The following CIP2A variants were observed in gnomAD, a reference collection of about 807,000 sequenced individuals.
CIP2A encodes cellular inhibitor of PP2A, also known as protein CIP2A.
A neutral mutation model predicts 110.9 loss-of-function variants in CIP2A; 103 were observed. That is an observed-to-expected ratio of 0.93 (90% CI 0.79 to 1.09). The LOEUF (loss-of-function observed/expected upper bound fraction) is 1.09, where lower values mean the gene tolerates loss of function less well. Ranked by LOEUF, CIP2A falls within the 50% of genes least tolerant of loss-of-function variation. The pLI is 0.00. For synonymous variants in CIP2A, 381 were observed against 361.6 expected (o/e 1.05, Z -0.61); for missense variants, 1,088 against 1,038.4 (o/e 1.05, Z -0.66).
intron 7 of CIP2A, 32 bp downstream of exon 7, chr3:108,579,249 A>G: frequency 6.5e-7 from 1 of 1,543,040 alleles, no homozygotes; most frequent in Non-Finnish European, 8.8e-7. Context: ...TAAAAATAAA[A>G]AAGTTCTAAA....
intron 2 of CIP2A, 82 bp downstream of exon 2, chr3:108,584,983 G>A (rs745535820): frequency 2.5e-4 from 324 of 1,293,078 alleles, no homozygotes; most frequent in Non-Finnish European, 3.1e-4. Flanking sequence ...CATTCTTTAA[G>A]AGATTCTATA....
Position 108,569,529 on chromosome 3 carries a change from G to C in CIP2A, c.973C>G (p.Pro325Ala). The change falls in exon 9 of 21, where the codon CCA (proline) becomes GCA (alanine). Residue 325 changes from proline (P) to alanine (A), a missense_variant. Physicochemically the swap from Pro to Ala is conservative, Grantham distance 27. Transcript: ENST00000295746. ...CTTCCCAGAGTGGCGCTGCCAGGTG[G>C]AGACTGTTCAAACATCATCTGAGTG... is the stretch of plus-strand genomic sequence containing the variant. The part of the protein sequence containing the change: ...MLTQMMFEQS[P>A]PGSATLGSHT... 38 of 1,612,772 alleles carry C rather than the reference G, an allele frequency of 2.4e-5. No homozygotes were observed. The highest frequency in any genetic ancestry group is 3.2e-5 in the Non-Finnish European group (38 of 1,179,306).
intron 1 of CIP2A, among the ~76,000 whole-genome samples, chr3:108,585,505 GT>G (rs1322361828): frequency 6.6e-6 from 1 of 152,030 alleles, no homozygotes; most frequent in African/African-American, 2.4e-5. Context: ...CTATCCTATA[GT>G]ACATTATATT....
intron 9 of CIP2A, among the ~76,000 whole-genome samples, chr3:108,568,552 T>C (rs536154366): frequency 9.2e-5 from 14 of 152,122 alleles, no homozygotes; most frequent in Non-Finnish European, 1.9e-4. Flanking sequence ...AAGACTTTTT[T>C]AAACAGACTT....
intron 7 of CIP2A, among the ~76,000 whole-genome samples, chr3:108,578,145 A>C (rs909202959): frequency 2.5e-4 from 38 of 152,358 alleles, no homozygotes; most frequent in African/African-American, 9.1e-4. Flanking sequence ...AATAGATAAT[A>C]GAACTGAGAG....
At chr3:108,581,643 CTAAT>C (rs1235398474) in intron 4 of CIP2A, 132 bp from the exon 5 acceptor site, 3 of 585,814 alleles carry the variant, frequency 5.1e-6, no homozygotes, top group Admixed American at 3.0e-5. Flanking sequence ...AAAAAAAAAA[CTAAT>C]TAACATAAGA....
intron 4 of CIP2A, 54 bp downstream of exon 4, chr3:108,582,054 A>G: frequency 1.2e-6 from 1 of 834,052 alleles, no homozygotes; most frequent in East Asian, 2.6e-5. Flanking sequence ...ACATGGTTGT[A>G]ATTTAAAAAT....
chr3:108,565,828 T>C (rs1938161448), intron 11 of CIP2A, among the ~76,000 whole-genome samples: 1 of 151,694 alleles, frequency 6.6e-6, no homozygotes, highest in African/African-American at 2.4e-5. Context: ...AATGAATGAA[T>C]TACACTAGGT....
chr3:108,581,786 T>C (rs1175236478), intron 4 of CIP2A, among the ~76,000 whole-genome samples: 1 of 152,212 alleles, frequency 6.6e-6, no homozygotes, highest in Non-Finnish European at 1.5e-5. Context: ...TCAGTATATT[T>C]TCCTACAAGA....
chr3:108,587,180 A>G (rs900356916), intron 1 of CIP2A, among the ~76,000 whole-genome samples: 55 of 152,294 alleles, frequency 3.6e-4, no homozygotes, highest in African/African-American at 1.3e-3. Context: ...TAACAATTCT[A>G]CTCCTAAGTA....
chr3:108,554,020 T>C (rs1365899222), intron 18 of CIP2A, among the ~76,000 whole-genome samples: 1 of 150,778 alleles, frequency 6.6e-6, no homozygotes, highest in Non-Finnish European at 1.5e-5. Context: ...CTCAGCCTTC[T>C]GGGTAGCGGA....
rs116329952 is a variant in CIP2A, at chr3:108,567,152, C to A, written c.1274-514G>T. On this transcript the variant is annotated intron_variant, in intron 10 of 20. Transcript: ENST00000295746. ...TTTAAACAATCACAAACAAAAAAGCCAACATGCAAACACACACCACCTAAT... is the reference window on the plus strand; with the variant it reads ...TTTAAACAATCACAAACAAAAAAGCAAACATGCAAACACACACCACCTAAT... 7.9e-3 allele frequency among the ~76,000 whole-genome samples: 1,193 copies of A among 151,776 alleles called. 24 individuals carry two copies. The highest frequency in any genetic ancestry group is 0.028 in the African/African-American group (1,148 of 41,472).
chr3:108,565,344 T>C lies in CIP2A; in HGVS notation c.1515+11A>G, dbSNP rs1938145636. ...TGAATAAACTTCAATGTTTGAAGAG[T>C]TTAAACTCACCTGAAGTATTTTGTA... On this transcript the variant is annotated intron_variant, in intron 12 of 20. Transcript: ENST00000295746. 1 of 1,417,520 alleles carries C rather than the reference T, an allele frequency of 7.1e-7. No individual in the cohort carries two copies. The highest frequency in any genetic ancestry group is 2.3e-5 in the East Asian group (1 of 43,492). The allele number at this position is 1,417,520 out of a possible 1,614,324, so 87.8% of individuals were successfully genotyped here.
intron 20 of CIP2A, among the ~76,000 whole-genome samples, chr3:108,551,695 G>C (rs1471542910): frequency 6.6e-6 from 1 of 152,028 alleles, no homozygotes; most frequent in Non-Finnish European, 1.5e-5. Flanking sequence ...AGTAGTAGTA[G>C]ATCAGTCTTT....
intron 3 of CIP2A, 93 bp downstream of exon 3, chr3:108,582,884 A>AT: frequency 1.6e-6 from 1 of 636,842 alleles, no homozygotes; most frequent in Non-Finnish European, 2.7e-6. Flanking sequence ...ATTATATAGC[A>AT]TATATACACT....
chr3:108,583,594 G>C (rs549820980), intron 2 of CIP2A, among the ~76,000 whole-genome samples: 3 of 152,120 alleles, frequency 2.0e-5, no homozygotes, highest in Non-Finnish European at 4.4e-5. Context: ...AAGAATATGG[G>C]TGAGTGTGTG....
chr3:108,588,556 CAG>C (rs1423768855), intron 1 of CIP2A, among the ~76,000 whole-genome samples: 17 of 152,176 alleles, frequency 1.1e-4, no homozygotes, highest in East Asian at 5.8e-4. Context: ...AGCTGTGACA[CAG>C]AGAGTTAAAA....
intron 1 of CIP2A, chr3:108,585,585 C>A (rs1329140830): frequency 2.4e-6 from 1 of 413,150 alleles, no homozygotes; most frequent in South Asian, 1.8e-5. Context: ...ATTGAACATG[C>A]GATGAAGGCA....
At chr3:108,553,135 T>G (rs1197147275) in intron 19 of CIP2A, among the ~76,000 whole-genome samples, 10 of 141,098 alleles carry the variant, frequency 7.1e-5, no homozygotes, top group Admixed American at 5.0e-4. Flanking sequence ...TTTTTTTTTT[T>G]TTTTTTTTTT....
Sources: gnomAD v4.1 joint callset for allele counts (sites outside exome capture counted in the v4.1 genomes callset) on GRCh38, gnomAD v4.1.1 for gene constraint, MANE v1.5 for transcripts, NCBI Gene and HGNC (gene_info 2026-07-23, HGNC 2026-07-21) for gene names.